KNL1: variants seen among roughly 807,000 people sequenced by gnomAD.
KNL1 encodes the protein kinetochore scaffold 1.
A neutral mutation model predicts 201.3 loss-of-function variants in KNL1; 66 were observed. That is an observed-to-expected ratio of 0.33 (90% confidence interval 0.27 to 0.40). KNL1 has a LOEUF of 0.40. Among genes scored for constraint, KNL1 ranks in the 10% least tolerant of loss-of-function variants. The pLI, the probability that KNL1 is intolerant of heterozygous loss-of-function variation, is 1.00. For missense variants in KNL1, 2,815 were observed against 2,690.5 expected, an observed-to-expected ratio of 1.05 and a Z score of -1.02; for synonymous variants, 895 against 899.2, an observed-to-expected ratio of 1.00 and a Z score of 0.08.
chr15:40,609,594 C>T (rs186211796), intron 5 of KNL1, among the ~76,000 whole-genome samples: 1 of 152,228 alleles, frequency 6.6e-6, no homozygotes, highest in African/African-American at 2.4e-5. Context: ...CTGTTAATAA[C>T]AAAAGCCAGT....
intron 9 of KNL1, among the ~76,000 whole-genome samples, chr15:40,619,855 G>C (rs1469422815): frequency 6.6e-6 from 1 of 152,142 alleles, no homozygotes; most frequent in Non-Finnish European, 1.5e-5. Flanking sequence ...AGTCATTCTA[G>C]TGGGTGTATA....
chr15:40,601,931 A>C (rs1482509278), intron 1 of KNL1, among the ~76,000 whole-genome samples: 1 of 117,524 alleles, frequency 8.5e-6, no homozygotes. Context: ...GCAGTGGTGC[A>C]ATTTCGGCTC....
At chr15:40,605,210 A>T in intron 3 of KNL1, 61 bp downstream of exon 3, 4 of 957,006 alleles carry the variant, frequency 4.2e-6, no homozygotes, top group Non-Finnish European at 6.8e-6. Context: ...ACCATATATC[A>T]CAGTAGTTTT....
In KNL1 at chr15:40,640,331, A is replaced by G. The variant is rs150533638; in HGVS notation, c.5683-581A>G. 8.2e-3 allele frequency among the ~76,000 whole-genome samples: 1,254 copies of G among 152,070 alleles called. 5 individuals are homozygous for G. Among genetic ancestry groups the G allele is most frequent in the Middle Eastern group, 0.034 (10 of 294 alleles). On this transcript the variant is annotated intron_variant, in intron 13 of 25. Transcript: ENST00000399668. ...GGCTGGTCTCAAACTCCTGACCTCAAGTGATCTGCCTGCCACCTCCCAAAG... is the reference window on the plus strand; with the variant it reads ...GGCTGGTCTCAAACTCCTGACCTCAGGTGATCTGCCTGCCACCTCCCAAAG...
At position 40,633,778 on chromosome 15, in the gene KNL1, G is replaced by A. The variant is rs1892979469; in HGVS notation, c.5682+4407G>A. ...CTTGGTCTCAAATTCCTGGCCTCAA[G>A]CAATCCTATTTTGCCTCTCAAAGTG... On this transcript the variant is annotated intron_variant, in intron 13 of 25. Transcript: ENST00000399668. 2.6e-5 allele frequency among the ~76,000 whole-genome samples: 4 copies of A among 152,088 alleles called. No individual in the cohort carries two copies. The South Asian group carries it at 8.3e-4, about 32-fold the overall frequency.
chr15:40,624,452 A>G lies in KNL1; in HGVS notation c.4188A>G (p.Arg1396=), dbSNP rs912310952. 4.3e-6 allele frequency: 7 copies of G among 1,613,780 alleles called. No individual in the cohort carries two copies. In the Admixed American group the frequency reaches 8.3e-5, roughly 19 times the overall value. Residue 1396 remains arginine (R), a synonymous_variant, in exon 10 of 26, where the codon CGA becomes CGG. Coordinates refer to ENST00000399668, the MANE Select transcript of KNL1 (RefSeq NM_144508.5). ...ATCAAGATCTGATTAAGGATCCACG[A>G]AATCTATTGGCTAATCAAACTTTAG... ...HKDQDLIKDP[R]NLLANQTLVY...
intron 3 of KNL1, 74 bp downstream of exon 3, chr15:40,605,223 C>T: frequency 1.2e-6 from 1 of 850,458 alleles, no homozygotes; most frequent in Non-Finnish European, 2.0e-6. Flanking sequence ...GTAGTTTTGA[C>T]TGTGGCTTCA....
intron 7 of KNL1, among the ~76,000 whole-genome samples, chr15:40,612,416 C>T (rs1174816335): frequency 3.3e-5 from 5 of 149,422 alleles, no homozygotes; most frequent in East Asian, 2.0e-4. Flanking sequence ...CGCTTGAACC[C>T]GGGAGGCGGA....
intron 13 of KNL1, among the ~76,000 whole-genome samples, chr15:40,636,536 T>G (rs755121273): frequency 3.3e-5 from 5 of 152,070 alleles, no homozygotes; most frequent in Non-Finnish European, 5.9e-5. Context: ...CTTCAAAAAT[T>G]ATCAACTCTA....
At chr15:40,602,409 T>C (rs1158412717) in intron 1 of KNL1, among the ~76,000 whole-genome samples, 1 of 151,394 alleles carries the variant, frequency 6.6e-6, no homozygotes, top group African/African-American at 2.4e-5. Context: ...GTGCTGAGAT[T>C]ACAGGCATGA....
At chr15:40,639,499 C>T (rs377669992) in intron 13 of KNL1, among the ~76,000 whole-genome samples, 3 of 150,896 alleles carry the variant, frequency 2.0e-5, no homozygotes, top group East Asian at 3.9e-4. Context: ...GCAGGAGAAT[C>T]GCTTGAAGCC....
chr15:40,605,400 A>T (rs893281328), intron 3 of KNL1, among the ~76,000 whole-genome samples: 1 of 152,172 alleles, frequency 6.6e-6, no homozygotes, highest in Non-Finnish European at 1.5e-5. Flanking sequence ...TGTTTAAAAG[A>T]TATGTTTAAC....
In KNL1 at chr15:40,620,846, A is replaced by C. The variant is rs1221374364; in HGVS notation, c.582A>C (p.Arg194Ser). The C allele has an allele frequency of 6.3e-6, 10 of 1,597,658 alleles. No homozygotes were observed. Among genetic ancestry groups the C allele is most frequent in the Non-Finnish European group, 8.5e-6 (10 of 1,175,126 alleles). The change falls in exon 10 of 26, where the codon AGA (arginine) becomes AGC (serine). Residue 194 changes from arginine (R) to serine (S), a missense_variant. Physicochemically the swap from Arg to Ser is moderately radical, Grantham distance 110. This residue lies in a region of KNL1 where 2,464 missense variants were observed against 2,291.7 expected (regional missense o/e 1.08). Transcript: ENST00000399668. ...ANLKLHTEDS[R>S]MKKEVNFSVD... ...TAAAGCTTCACACCGAGGACTCAAG[A>C]ATGAAAAAAGAAGTAAATTTTTCCG... is the stretch of plus-strand genomic sequence containing the variant.
intron 22 of KNL1, 53 bp downstream of exon 22, chr15:40,655,030 G>T: frequency 7.2e-7 from 1 of 1,388,986 alleles, no homozygotes. Flanking sequence ...GGGCACTATG[G>T]CTCATGCCTT....
In KNL1 at chr15:40,657,332, A is replaced by AT. The variant is rs770243730; in HGVS notation, c.6595-15dup. On this transcript the variant is annotated intron_variant, in intron 23 of 25. Coordinates refer to ENST00000399668, the MANE Select transcript of KNL1 (RefSeq NM_144508.5). Reference sequence around the variant, plus strand: ...TGAAATGTTTTCATAATTTCACTGGATTTTTTTTCCCACTTTTTCTAGATG... The same window carrying AT: ...TGAAATGTTTTCATAATTTCACTGGATTTTTTTTTCCCACTTTTTCTAGATG... The AT allele has an allele frequency of 3.7e-5, 53 of 1,430,396 alleles. 1 individual carries two copies. The highest frequency in any genetic ancestry group is 1.8e-4 in the Middle Eastern group (1 of 5,652). 88.6% of individuals were successfully genotyped at this position (1,430,396 alleles called of 1,614,324 possible).
chr15:40,652,436 A>G (rs978956777), intron 21 of KNL1, among the ~76,000 whole-genome samples: 2 of 145,982 alleles, frequency 1.4e-5, no homozygotes, highest in Non-Finnish European at 3.0e-5. Context: ...TAGAGAATTT[A>G]CCCTAATGGC....
At chr15:40,632,213 C>A (rs541576107) in intron 13 of KNL1, among the ~76,000 whole-genome samples, 6 of 134,464 alleles carry the variant, frequency 4.5e-5, no homozygotes, top group African/African-American at 1.1e-4. Flanking sequence ...TAGCGAGACC[C>A]CCCCCCACCC....
intron 1 of KNL1, among the ~76,000 whole-genome samples, chr15:40,597,734 A>G (rs1184368304): frequency 6.6e-6 from 1 of 152,230 alleles, no homozygotes; most frequent in African/African-American, 2.4e-5. Flanking sequence ...GTAAGTTTGA[A>G]TTTTATCAGT....
At chr15:40,658,527 C>CA (rs35756393) in intron 24 of KNL1, among the ~76,000 whole-genome samples, 247 of 8,688 alleles carry the variant, frequency 0.028, 8 homozygotes, top group African/African-American at 0.072. Context: ...GACTCCATCT[C>CA]AAAAAAAAAA....
Sources: allele counts gnomAD v4.1 joint callset (sites outside exome capture counted in the v4.1 genomes callset), GRCh38; gene constraint gnomAD v4.1.1; regional missense constraint gnomAD v4.1.1; transcripts MANE v1.5; gene names NCBI Gene and HGNC (gene_info 2026-07-23, HGNC 2026-07-21).